WDPCP: variants seen among roughly 807,000 people sequenced by gnomAD.
The protein encoded by WDPCP is WD repeat containing planar cell polarity effector, also known as WD repeat-containing and planar cell polarity effector protein fritz homolog.
A neutral mutation model predicts 93.1 loss-of-function variants in WDPCP; 71 were observed. The ratio of observed to expected loss-of-function variants is 0.76; its 90% CI spans 0.63 to 0.93. The LOEUF is 0.93. Ranked by LOEUF, WDPCP falls within the 40% of genes least tolerant of loss-of-function variation. The probability of loss-of-function intolerance (pLI) is 0.00; values close to 1 mark genes in which losing one functional copy is unlikely to be tolerated. For synonymous variants in WDPCP, 315 were observed against 315.0 expected (o/e 1.00, Z 0.00); for missense variants, 844 against 887.4 (o/e 0.95, Z 0.62).
chr2:63,696,776 A>G (rs751025313), intron 2 of WDPCP, among the ~76,000 whole-genome samples: 1 of 152,236 alleles, frequency 6.6e-6, no homozygotes, highest in African/African-American at 2.4e-5. Flanking sequence ...CAGTTTGGCA[A>G]GGACCACCAA....
At chr2:63,792,620 T>C (rs1409454306) in intron 2 of WDPCP, among the ~76,000 whole-genome samples, 2 of 152,110 alleles carry the variant, frequency 1.3e-5, no homozygotes, top group Non-Finnish European at 2.9e-5. Flanking sequence ...GGATAAAAGG[T>C]GCTCCTGGCA....
intron 1 of WDPCP, among the ~76,000 whole-genome samples, chr2:63,529,035 G>C (rs768726044): frequency 2.0e-5 from 3 of 152,170 alleles, no homozygotes; most frequent in Admixed American, 2.0e-4. Flanking sequence ...TGATGTATAA[G>C]AATGACTGTG....
At chr2:63,700,306 A>AAAAAAAAAAAAAAAAAAAAAG (rs1558887470) in intron 2 of WDPCP, among the ~76,000 whole-genome samples, 2 of 146,240 alleles carry the variant, frequency 1.4e-5, no homozygotes, top group African/African-American at 2.5e-5. Context: ...AAAAAAAACA[A>AAAAAAAAAAAAAAAAAAAAAG]AAAGAAAAAA....
At position 63,121,855 on chromosome 2, in the gene WDPCP, T is replaced by G; in HGVS notation, c.*151A>C. 7.0e-7 allele frequency: 1 copy of G among 1,423,068 alleles called. No individual in the cohort carries two copies. Among genetic ancestry groups the G allele is most frequent in the Non-Finnish European group, 9.2e-7 (1 of 1,083,148 alleles). 88.2% of individuals were successfully genotyped at this position (1,423,068 alleles called of 1,614,324 possible). A position where few individuals can be genotyped will look rare whatever the true frequency, so the allele number is the denominator to read the frequency against. ...ATGTTTTTGAAATAATAAAACTTTA[T>G]TTTGAAAACAAACACTCAACTCAAA... is the stretch of plus-strand genomic sequence containing the variant. On this transcript the variant is annotated 3_prime_UTR_variant, in exon 18 of 18. Transcript: ENST00000272321.
chr2:63,447,934 T>A (rs1478592545), intron 6 of WDPCP, among the ~76,000 whole-genome samples: 2 of 152,172 alleles, frequency 1.3e-5, no homozygotes, highest in Non-Finnish European at 2.9e-5. Flanking sequence ...CGGGTAGGCA[T>A]ATAGTTTTTA....
intron 1 of WDPCP, among the ~76,000 whole-genome samples, chr2:63,515,359 A>G (rs1274679129): frequency 6.6e-6 from 1 of 152,088 alleles, no homozygotes; most frequent in Non-Finnish European, 1.5e-5. Context: ...AGTTATCTCA[A>G]ATATAAACTT....
intron 2 of WDPCP, among the ~76,000 whole-genome samples, chr2:63,746,726 T>A (rs1322919545): frequency 1.3e-5 from 2 of 152,144 alleles, no homozygotes; most frequent in Non-Finnish European, 2.9e-5. Flanking sequence ...CCTGGCGAAT[T>A]CTAGTCAGAC....
chr2:63,404,344 G>C lies in WDPCP; in HGVS notation c.1139C>G (p.Pro380Arg), dbSNP rs1694389633. Residue 380 changes from proline (P) to arginine (R), a missense_variant, in exon 10 of 18, where the codon CCT (proline) becomes CGT (arginine). By Grantham distance (103) the Pro-to-Arg change is moderately radical. Coordinates refer to ENST00000272321, the MANE Select transcript of WDPCP (RefSeq NM_015910.7). ...ACTTGGGTGGCAGCTTATTAATGAAGGCAAAAGTTCAGTCTGTGCTAAGAG... is the reference window on the plus strand; with the variant it reads ...ACTTGGGTGGCAGCTTATTAATGAACGCAAAAGTTCAGTCTGTGCTAAGAG... ...VTLLAQTELL[P>R]SLISCHPSGA... is the part of the protein sequence containing the mutation. The C allele has an allele frequency of 6.2e-7, 1 of 1,614,006 alleles. No individual in the cohort carries two copies. Among genetic ancestry groups the C allele is most frequent in the Admixed American group, 1.7e-5 (1 of 59,990 alleles).
chr2:63,748,842 G>C (rs1422789785), intron 2 of WDPCP, among the ~76,000 whole-genome samples: 2 of 152,016 alleles, frequency 1.3e-5, no homozygotes, highest in Non-Finnish European at 2.9e-5. Context: ...TTTCTTTGAA[G>C]TCTTTGAAGA....
chr2:63,724,805 G>A (rs769976904), intron 2 of WDPCP, among the ~76,000 whole-genome samples: 1 of 152,174 alleles, frequency 6.6e-6, no homozygotes, highest in Admixed American at 6.5e-5. Flanking sequence ...TGAGAGGTTT[G>A]TCACTGAACT....
At chr2:63,410,079 G>A (rs1694914572) in intron 9 of WDPCP, among the ~76,000 whole-genome samples, 1 of 152,020 alleles carries the variant, frequency 6.6e-6, no homozygotes, top group Non-Finnish European at 1.5e-5. Context: ...ATTGTCATCA[G>A]GTTAAGACAA....
intron 1 of WDPCP, among the ~76,000 whole-genome samples, chr2:63,529,485 G>A (rs1319606065): frequency 1.3e-5 from 2 of 152,190 alleles, no homozygotes; most frequent in African/African-American, 4.8e-5. Context: ...TGTGGTTTTT[G>A]TCTTTGGTTC....
At chr2:63,609,309 C>T (rs996638106) in intron 3 of WDPCP, among the ~76,000 whole-genome samples, 1 of 151,398 alleles carries the variant, frequency 6.6e-6, no homozygotes, top group Non-Finnish European at 1.5e-5. Flanking sequence ...TGCAGTGAGC[C>T]GAGATCATGC....
chr2:63,625,906 C>T (rs1024915453), intron 3 of WDPCP, among the ~76,000 whole-genome samples: 1 of 152,118 alleles, frequency 6.6e-6, no homozygotes, highest in African/African-American at 2.4e-5. Flanking sequence ...AATAACAAAG[C>T]TGGAGGCACC....
At chr2:63,202,662 G>T (rs765476594) in intron 14 of WDPCP, among the ~76,000 whole-genome samples, 1 of 152,062 alleles carries the variant, frequency 6.6e-6, no homozygotes. Flanking sequence ...TCCATAAAGC[G>T]TTACATCTTC....
At chr2:63,708,201 T>A (rs1669198865) in intron 2 of WDPCP, among the ~76,000 whole-genome samples, 2 of 152,176 alleles carry the variant, frequency 1.3e-5, no homozygotes, top group Non-Finnish European at 2.9e-5. Context: ...CTGTCTTTTG[T>A]TTGTCTGTGC....
chr2:63,747,541 C>A (rs1339717442), intron 2 of WDPCP, among the ~76,000 whole-genome samples: 20 of 151,746 alleles, frequency 1.3e-4, no homozygotes, highest in Admixed American at 1.1e-3. Flanking sequence ...AAAAACTCAT[C>A]ATTTTCCTGT....
At chr2:63,314,153 A>G (rs1686442834) in intron 12 of WDPCP, among the ~76,000 whole-genome samples, 1 of 146,048 alleles carries the variant, frequency 6.8e-6, no homozygotes, top group African/African-American at 2.6e-5. Flanking sequence ...CTGCGATTAC[A>G]GGCGTGAGCC....
At chr2:63,419,471 C>T (rs570504425) in intron 9 of WDPCP, among the ~76,000 whole-genome samples, 1 of 152,166 alleles carries the variant, frequency 6.6e-6, no homozygotes, top group African/African-American at 2.4e-5. Context: ...ATTGTTTCAG[C>T]CAACTATAAA....
Sources: gnomAD v4.1 joint callset for allele counts (sites outside exome capture counted in the v4.1 genomes callset) on GRCh38, gnomAD v4.1.1 for gene constraint, MANE v1.5 for transcripts, NCBI Gene and HGNC (gene_info 2026-07-23, HGNC 2026-07-21) for gene names.